FEZ1: variants seen among roughly 807,000 people sequenced by gnomAD.
FEZ1 encodes the protein fasciculation and elongation protein zeta 1, also known as fasciculation and elongation protein zeta-1.
FEZ1 carries 20 observed loss-of-function variants against 49.3 expected under a neutral mutation model. The ratio of observed to expected loss-of-function variants is 0.41; its 90% CI spans 0.29 to 0.59. The LOEUF (loss-of-function observed/expected upper bound fraction) is 0.59. Ranked by LOEUF, FEZ1 falls within the 20% of genes least tolerant of loss-of-function variation. The probability of loss-of-function intolerance (pLI) is 0.36; values close to 1 mark genes in which losing one functional copy is unlikely to be tolerated. For missense variants in FEZ1, 413 were observed against 476.0 expected (o/e 0.87, Z 1.23); for synonymous variants, 170 against 180.9 (o/e 0.94, Z 0.48).
At chr11:125,454,797 C>G (rs970829691) in intron 6 of FEZ1, among the ~76,000 whole-genome samples, 1 of 151,832 alleles carries the variant, frequency 6.6e-6, no homozygotes, top group African/African-American at 2.4e-5. Flanking sequence ...GGGGAGATCA[C>G]GAGGTGAGGA....
chr11:125,489,113 A>G lies in FEZ1; in HGVS notation c.311+354T>C. On this transcript the variant is annotated intron_variant, in intron 2 of 9. Transcript: ENST00000278919. The surrounding 1 kb of genome is among the most constrained non-coding windows in gnomAD (Gnocchi z 4.2). Reference sequence around the variant, plus strand: ...GTCCAATAACATAGATTCATCCATCATGGTTAATTAATTTTTTCTGGCCTT... The same window carrying G: ...GTCCAATAACATAGATTCATCCATCGTGGTTAATTAATTTTTTCTGGCCTT... 1 of 999,550 alleles carries G rather than the reference A, an allele frequency of 1.0e-6. No individual in the cohort carries two copies. Among genetic ancestry groups the G allele is most frequent in the Non-Finnish European group, 1.2e-6 (1 of 839,744 alleles). The allele number at this position is 999,550 out of a possible 1,614,324, so 61.9% of individuals were successfully genotyped here. A position where few individuals can be genotyped will look rare whatever the true frequency, so the allele number is the denominator to read the frequency against.
chr11:125,443,759 AAG>A lies in FEZ1; in HGVS notation c.*2334_*2335del, dbSNP rs1956873088. Among the ~76,000 whole-genome samples, 1 of 149,814 alleles carries A rather than the reference AAG, an allele frequency of 6.7e-6. No homozygotes were observed. Among genetic ancestry groups the A allele is most frequent in the African/African-American group, 2.5e-5 (1 of 39,278 alleles). ...TTAAACTCCTGATAGACGGACAAAC[AAG>A]AGAGAAAGGAGGAGCCACTGTTTTC... On this transcript the variant is annotated 3_prime_UTR_variant, in exon 10 of 10. Transcript: ENST00000278919.
At chr11:125,451,689 C>G (rs1368770327) in intron 8 of FEZ1, among the ~76,000 whole-genome samples, 1 of 152,238 alleles carries the variant, frequency 6.6e-6, no homozygotes, top group African/African-American at 2.4e-5. Flanking sequence ...CATGTGCCCC[C>G]CAGCCCTTTG....
intron 3 of FEZ1, among the ~76,000 whole-genome samples, chr11:125,467,086 T>C (rs192500297): frequency 1.2e-3 from 182 of 151,698 alleles, no homozygotes; most frequent in Non-Finnish European, 2.0e-3. Context: ...CAAGCTGGAA[T>C]GCAGTGGCAC....
At chr11:125,492,493 G>C (rs1402421273) in intron 1 of FEZ1, among the ~76,000 whole-genome samples, 1 of 152,210 alleles carries the variant, frequency 6.6e-6, no homozygotes, top group Non-Finnish European at 1.5e-5. Flanking sequence ...CAACAAAAAA[G>C]TGAGATTAGA....
intron 3 of FEZ1, among the ~76,000 whole-genome samples, chr11:125,475,256 C>G (rs1957220376): frequency 1.4e-5 from 2 of 143,254 alleles, no homozygotes; most frequent in Admixed American, 1.4e-4. Context: ...GGCAACACAG[C>G]AAGACCCTGT....
At chr11:125,449,071 C>T (rs1238610418) in intron 8 of FEZ1, among the ~76,000 whole-genome samples, 6 of 151,964 alleles carry the variant, frequency 3.9e-5, no homozygotes, top group South Asian at 2.1e-4. Context: ...GACAGGATCT[C>T]GCCCTGCCAC....
chr11:125,465,305 G>A (rs1957116908), intron 3 of FEZ1, among the ~76,000 whole-genome samples: 1 of 152,164 alleles, frequency 6.6e-6, no homozygotes, highest in Admixed American at 6.5e-5. Context: ...CTCCCTGACT[G>A]TTAATATTGC....
chr11:125,458,744 T>G (rs1447502016), intron 5 of FEZ1, among the ~76,000 whole-genome samples: 1 of 152,220 alleles, frequency 6.6e-6, no homozygotes, highest in African/African-American at 2.4e-5. Flanking sequence ...CAGGAGGCTT[T>G]CTTCAAGGGC....
intron 5 of FEZ1, among the ~76,000 whole-genome samples, chr11:125,457,270 T>TA (rs980286144): frequency 4.2e-5 from 6 of 144,138 alleles, no homozygotes; most frequent in Admixed American, 7.0e-5. Context: ...TTTAAACACT[T>TA]AAAAAAAAAT....
chr11:125,454,260 C>T, intron 6 of FEZ1, 50 bp from the exon 7 acceptor site: 1 of 1,443,064 alleles, frequency 6.9e-7, no homozygotes, highest in Non-Finnish European at 9.7e-7. Context: ...GCTACACTGT[C>T]ACCACACCCA....
At chr11:125,493,390 GA>G (rs1468197524) in intron 1 of FEZ1, among the ~76,000 whole-genome samples, 5 of 54,938 alleles carry the variant, frequency 9.1e-5, no homozygotes, top group Middle Eastern at 6.5e-3. Context: ...AAGAAAGAAA[GA>G]AAGAAAGAAA....
At chr11:125,457,429 A>AAAATATATATATAT (rs1164500309) in intron 5 of FEZ1, among the ~76,000 whole-genome samples, 1 of 20,912 alleles carries the variant, frequency 4.8e-5, no homozygotes, top group Admixed American at 1.1e-3. Context: ...AAAAAAAAAA[A>AAAATATATATATAT]ATATATATAT....
Position 125,477,516 on chromosome 11 carries a change from A to C in FEZ1, c.411+4018T>G, listed in dbSNP as rs183818135. On this transcript the variant is annotated intron_variant, in intron 3 of 9. Transcript: ENST00000278919. ...TGTGACTCCATCACACACACACACA[A>C]AAAATTAGCCAATTCTTAGAGATAG... Among the ~76,000 whole-genome samples, 297 of 152,054 alleles carry C rather than the reference A, an allele frequency of 2.0e-3. 7 individuals carry two copies. The highest frequency in any genetic ancestry group is 0.016 in the Admixed American group (240 of 15,258).
chr11:125,485,361 T>TG (rs1403386174), intron 2 of FEZ1, among the ~76,000 whole-genome samples: 1 of 151,820 alleles, frequency 6.6e-6, no homozygotes, highest in Non-Finnish European at 1.5e-5. Context: ...GGGTGGAGAC[T>TG]GGGGGGTGCC....
At position 125,444,085 on chromosome 11, in the gene FEZ1, C is replaced by T. The variant is rs944380712; in HGVS notation, c.*2010G>A. Among the ~76,000 whole-genome samples, 2 of 145,588 alleles carry T rather than the reference C, an allele frequency of 1.4e-5. No individual in the cohort carries two copies. Among genetic ancestry groups the T allele is most frequent in the African/African-American group, 5.0e-5 (2 of 40,092 alleles). On this transcript the variant is annotated 3_prime_UTR_variant, in exon 10 of 10. Coordinates refer to ENST00000278919, the MANE Select transcript of FEZ1 (RefSeq NM_005103.5). Reference sequence around the variant, plus strand: ...ACCCTGGGCATGTTCAGCCTTAGCACCAGTGAACTGCCGAACTGAATCCAT... The same window carrying T: ...ACCCTGGGCATGTTCAGCCTTAGCATCAGTGAACTGCCGAACTGAATCCAT...
chr11:125,447,447 T>G (rs2135733501), intron 9 of FEZ1, among the ~76,000 whole-genome samples: 1 of 152,340 alleles, frequency 6.6e-6, no homozygotes, highest in Admixed American at 6.5e-5. Flanking sequence ...CCTACTGATC[T>G]TTATTGGCCC....
At chr11:125,464,205 T>A (rs76028904) in intron 3 of FEZ1, among the ~76,000 whole-genome samples, 152 of 152,330 alleles carry the variant, frequency 1.0e-3, no homozygotes, top group African/African-American at 3.4e-3. Flanking sequence ...TTTATCTCAT[T>A]TGCCCTGTGT....
chr11:125,485,680 A>G (rs996120613), intron 2 of FEZ1, among the ~76,000 whole-genome samples: 7 of 152,068 alleles, frequency 4.6e-5, no homozygotes, highest in Non-Finnish European at 1.0e-4. Context: ...TCACGCCTGT[A>G]ATCCTAGCAC....
Sources: allele counts gnomAD v4.1 joint callset (sites outside exome capture counted in the v4.1 genomes callset), GRCh38; gene constraint gnomAD v4.1.1; non-coding constraint Gnocchi (gnomAD v3.1); transcripts MANE v1.5; gene names NCBI Gene and HGNC (gene_info 2026-07-23, HGNC 2026-07-21).